GFI1B: variants seen among roughly 807,000 people sequenced by gnomAD.
GFI1B encodes the protein zinc finger protein Gfi-1b.
GFI1B carries 20 observed loss-of-function variants against 35.3 expected under a neutral mutation model. That is an observed-to-expected ratio of 0.57 (90% CI 0.40 to 0.82). GFI1B has a LOEUF of 0.82. Among genes scored for constraint, GFI1B ranks in the 40% least tolerant of loss-of-function variants. The probability of loss-of-function intolerance (pLI) is 0.00; values close to 1 mark genes in which losing one functional copy is unlikely to be tolerated. For synonymous variants in GFI1B, 178 were observed against 177.6 expected, an observed-to-expected ratio of 1.00 and a Z score of -0.02; for missense variants, 430 against 446.3, an observed-to-expected ratio of 0.96 and a Z score of 0.33.
Position 132,988,201 on chromosome 9 carries a change from C to T in GFI1B, c.243C>T (p.Gly81=), listed in dbSNP as rs772682383. The T allele has an allele frequency of 1.9e-6, 3 of 1,613,620 alleles. No homozygotes were observed. In the East Asian group the frequency reaches 6.7e-5, roughly 36 times the overall value. The stretch of plus-strand genomic sequence containing the variant: ...CCTGTGTCGTTATCTCCACAGAGGG[C>T]CCCATTGTGCTGTCCCGACCCCAGG... ...NLARMAPAPE[G]PIVLSRPQDG... The change falls in exon 4 of 7, where the codon GGC becomes GGT. Residue 81 remains glycine (G), a synonymous_variant. Transcript: ENST00000372122.
At chr9:132,988,060 G>C in intron 3 of GFI1B, 137 bp from the exon 4 acceptor site, 3 of 758,792 alleles carry the variant, frequency 4.0e-6, no homozygotes, top group Non-Finnish European at 7.0e-6. Flanking sequence ...TGGTCCGCCT[G>C]GTCTTGAACT....
upstream of GFI1B, among the ~76,000 whole-genome samples, chr9:132,977,292 C>T (rs1033061086): frequency 1.3e-5 from 2 of 152,106 alleles, no homozygotes; most frequent in African/African-American, 4.8e-5. Context: ...TTTCTTTCCA[C>T]CAAGAGAGAC....
At chr9:132,975,682 T>C (rs1454207311), upstream of GFI1B, among the ~76,000 whole-genome samples, 1 of 152,134 alleles carries the variant, frequency 6.6e-6, no homozygotes, top group East Asian at 1.9e-4. Flanking sequence ...TACACATGTG[T>C]TACATAAGGG....
chr9:132,958,545 A>T (rs1019701261), intron 1 of GFI1B, among the ~76,000 whole-genome samples: 2 of 152,194 alleles, frequency 1.3e-5, no homozygotes, highest in African/African-American at 4.8e-5. Flanking sequence ...CACTATCAAG[A>T]GGACAGTACC....
Position 132,990,854 on chromosome 9 carries a change from G to C in GFI1B, c.815-18G>C. The C allele has an allele frequency of 6.2e-7, 1 of 1,613,696 alleles. No homozygotes were observed. Among genetic ancestry groups the C allele is most frequent in the Non-Finnish European group, 8.5e-7 (1 of 1,179,792 alleles). ...GCCCTGACCCCGCCCTTGCTGTGCT[G>C]CGCTGCCCTCCCTGCAGGTGAGAAG... On this transcript the variant is annotated intron_variant, in intron 6 of 6. Coordinates refer to ENST00000372122, the MANE Select transcript of GFI1B (RefSeq NM_001377304.1).
intron 1 of GFI1B, among the ~76,000 whole-genome samples, chr9:132,969,800 A>G (rs1848505571): frequency 6.6e-6 from 1 of 152,170 alleles, no homozygotes; most frequent in African/African-American, 2.4e-5. Flanking sequence ...CACTCTCCCC[A>G]GCATCTCCAT....
At chr9:132,980,895 T>TTTTGTTTGTTTGTTTG (rs112055013) in intron 1 of GFI1B, among the ~76,000 whole-genome samples, 4 of 151,526 alleles carry the variant, frequency 2.6e-5, no homozygotes, top group African/African-American at 9.7e-5. Flanking sequence ...CTAGACCACA[T>TTTTGTTTGTTTGTTTG]TTTGTTTGTT....
chr9:132,989,626 C>A lies in GFI1B; in HGVS notation c.649-116C>A. On this transcript the variant is annotated intron_variant, in intron 5 of 6. Coordinates refer to ENST00000372122, the MANE Select transcript of GFI1B (RefSeq NM_001377304.1). The surrounding 1 kb of genome is among the most constrained non-coding windows in gnomAD (Gnocchi z 6.2). The stretch of plus-strand genomic sequence containing the variant: ...ACCTCAGAGGCAGAGATGAGGGGTC[C>A]CCCGGTCCTGCTCCTCCAGGCCGCC... 1 of 755,510 alleles carries A rather than the reference C, an allele frequency of 1.3e-6. No individual in the cohort carries two copies. The highest frequency in any genetic ancestry group is 1.6e-5 in the South Asian group (1 of 63,166). The allele number at this position is 755,510 out of a possible 1,614,324, so 46.8% of individuals were successfully genotyped here. A position where few individuals can be genotyped will look rare whatever the true frequency, so the allele number is the denominator to read the frequency against.
chr9:132,950,997 C>A (rs1416596789), intron 1 of GFI1B, among the ~76,000 whole-genome samples: 1 of 151,800 alleles, frequency 6.6e-6, no homozygotes. Flanking sequence ...GGTATCACAC[C>A]CAGCTAATTA....
In GFI1B at chr9:132,987,396, T is replaced by C. The variant is rs745670907; in HGVS notation, c.215T>C (p.Leu72Ser). 3.1e-6 allele frequency: 5 copies of C among 1,614,118 alleles called. No homozygotes were observed. The highest frequency in any genetic ancestry group is 2.5e-6 in the Non-Finnish European group (3 of 1,180,044). Residue 72 changes from leucine (L) to serine (S), a missense_variant, in exon 3 of 7, where the codon TTG becomes TCG. Leu to Ser is a moderately radical substitution (Grantham distance 145). Coordinates refer to ENST00000372122, the MANE Select transcript of GFI1B (RefSeq NM_001377304.1). ...CCGGAGCTGGAGCAGGACCAGAACT[T>C]GGCCAGGATGGCCCCGGCACCAGGT... The part of the protein sequence containing the change: ...REPELEQDQN[L>S]ARMAPAPEGP...
upstream of GFI1B, among the ~76,000 whole-genome samples, chr9:132,973,941 G>A (rs1848578834): frequency 6.6e-6 from 1 of 152,200 alleles, no homozygotes; most frequent in African/African-American, 2.4e-5. Flanking sequence ...ATTGGTGCTG[G>A]ATGTGCTTGT....
At chr9:132,978,047 C>G (rs1325569043), upstream of GFI1B, among the ~76,000 whole-genome samples, 1 of 149,638 alleles carries the variant, frequency 6.7e-6, no homozygotes, top group Non-Finnish European at 1.5e-5. Context: ...GGCTCGGGTA[C>G]TAGGGGCATT....
intron 1 of GFI1B, among the ~76,000 whole-genome samples, chr9:132,957,907 T>C (rs1564523723): frequency 1.3e-5 from 2 of 152,206 alleles, no homozygotes; most frequent in Non-Finnish European, 2.9e-5. Context: ...CAGTTTCCTA[T>C]GGTTTTGCGT....
chr9:132,986,083 G>A (rs944337787), intron 1 of GFI1B, among the ~76,000 whole-genome samples: 5 of 152,194 alleles, frequency 3.3e-5, no homozygotes, highest in East Asian at 1.9e-4. Flanking sequence ...TGTAGCTGCC[G>A]TAACAAAATA....
At position 132,969,617 on chromosome 9, in the gene GFI1B, C is replaced by T. The variant is rs548718290; in HGVS notation, c.-700-3108C>T. On this transcript the variant is annotated intron_variant, in intron 1 of 10. Coordinates refer to the GFI1B transcript ENST00000339463. ...ACACGGGTGTGCAAAGATCTTTCCG[C>T]GTGCCTTTCAGTGCGTTTGGGTCTA... is the stretch of plus-strand genomic sequence containing the variant. Among the ~76,000 whole-genome samples, 13 of 152,284 alleles carry T rather than the reference C, an allele frequency of 8.5e-5. No homozygotes were observed. In the South Asian group the frequency reaches 2.5e-3, roughly 29 times the overall value.
chr9:132,986,969 G>A (rs762465930), intron 2 of GFI1B, among the ~76,000 whole-genome samples, 191 bp downstream of exon 2: 46 of 152,224 alleles, frequency 3.0e-4, no homozygotes, highest in Non-Finnish European at 6.0e-4. Context: ...TGCCCTGTTA[G>A]GGAGACGAGA....
At position 132,979,997 on chromosome 9, in the gene GFI1B, T is replaced by C. The variant is rs111448910; in HGVS notation, c.-21+1156T>C. Reference sequence around the variant, plus strand: ...TAGTAGGCAACAGGCAGAATATTTCTTCCAAGTCTAGCAAAGTGTCAAGTT... The same window carrying C: ...TAGTAGGCAACAGGCAGAATATTTCCTCCAAGTCTAGCAAAGTGTCAAGTT... On this transcript the variant is annotated intron_variant, in intron 1 of 6. Coordinates refer to ENST00000372122, the MANE Select transcript of GFI1B (RefSeq NM_001377304.1). 7.7e-3 allele frequency among the ~76,000 whole-genome samples: 1,176 copies of C among 152,318 alleles called. 13 individuals carry two copies. The highest frequency in any genetic ancestry group is 0.027 in the African/African-American group (1,113 of 41,566).
chr9:132,988,369 G>T lies in GFI1B; in HGVS notation c.411G>T (p.Leu137=). The part of the protein sequence containing the change: ...QSAFLEHSVS[L]YGSPLVPSTE... ...CCTTCCTGGAGCACTCCGTCAGCCTGTACGGCAGTCCTCTTGTGCCCAGCA... is the reference window on the plus strand; with the variant it reads ...CCTTCCTGGAGCACTCCGTCAGCCTTTACGGCAGTCCTCTTGTGCCCAGCA... Residue 137 remains leucine (L), a synonymous_variant, in exon 4 of 7, where the codon CTG becomes CTT. Transcript: ENST00000372122. The T allele has an allele frequency of 6.2e-7, 1 of 1,614,132 alleles. No individual in the cohort carries two copies. Among genetic ancestry groups the T allele is most frequent in the Non-Finnish European group, 8.5e-7 (1 of 1,179,962 alleles).
intron 1 of GFI1B, among the ~76,000 whole-genome samples, chr9:132,959,752 G>A (rs1342691385): frequency 6.6e-6 from 1 of 152,184 alleles, no homozygotes; most frequent in Non-Finnish European, 1.5e-5. Context: ...CTAAGCTTCT[G>A]GTGGTCACTG....
Sources: allele counts gnomAD v4.1 joint callset (sites outside exome capture counted in the v4.1 genomes callset), GRCh38; gene constraint gnomAD v4.1.1; non-coding constraint Gnocchi (gnomAD v3.1); transcripts MANE v1.5; gene names NCBI Gene and HGNC (gene_info 2026-07-23, HGNC 2026-07-21).